Variants in ACBD6 observed in about 807,000 individuals in gnomAD.
The protein encoded by ACBD6 is acyl-CoA-binding domain-containing protein 6.
A neutral mutation model predicts 37.2 loss-of-function variants in ACBD6; 28 were observed. That is an observed-to-expected ratio of 0.75 (90% CI 0.56 to 1.03). The LOEUF (loss-of-function observed/expected upper bound fraction) is 1.03. ACBD6 is among the 50% of genes least tolerant of loss of function. The pLI is 0.00. For missense variants in ACBD6, 340 were observed against 337.4 expected (o/e 1.01, Z -0.06); for synonymous variants, 113 against 126.8 (o/e 0.89, Z 0.73).
intron 6 of ACBD6, among the ~76,000 whole-genome samples, chr1:180,379,888 G>C (rs777246480): frequency 6.6e-5 from 10 of 152,168 alleles, no homozygotes; most frequent in Non-Finnish European, 1.5e-5. Context: ...TAGACATCCA[G>C]ATATAGGAAG....
chr1:180,426,225 T>C (rs765826068), intron 4 of ACBD6, among the ~76,000 whole-genome samples: 10 of 152,248 alleles, frequency 6.6e-5, no homozygotes, highest in Non-Finnish European at 1.2e-4. Flanking sequence ...AAAATTCTAA[T>C]AGATTACATG....
At chr1:180,331,436 T>C (rs138576685) in intron 6 of ACBD6, among the ~76,000 whole-genome samples, 17 of 152,350 alleles carry the variant, frequency 1.1e-4, no homozygotes, top group African/African-American at 2.9e-4. Flanking sequence ...CAAACTTATA[T>C]AATCAGAATT....
chr1:180,303,513 G>A (rs1483053798), intron 7 of ACBD6, among the ~76,000 whole-genome samples: 1 of 150,790 alleles, frequency 6.6e-6, no homozygotes, highest in Non-Finnish European at 1.5e-5. Context: ...TAGAAGAAAT[G>A]GATAAATTCC....
At chr1:180,407,373 G>A (rs949656478) in intron 5 of ACBD6, among the ~76,000 whole-genome samples, 2 of 152,156 alleles carry the variant, frequency 1.3e-5, no homozygotes, top group Non-Finnish European at 2.9e-5. Context: ...GTAACAAAAT[G>A]GCAGAAACAA....
chr1:180,460,831 AG>A (rs1366614217), intron 3 of ACBD6, among the ~76,000 whole-genome samples: 18 of 152,342 alleles, frequency 1.2e-4, no homozygotes, highest in Non-Finnish European at 2.2e-4. Context: ...AAAAAGCCAG[AG>A]GGGCCTCTCT....
rs1649269110 is a variant in ACBD6, at chr1:180,441,233, T to C, written c.385-10971A>G. On this transcript the variant is annotated intron_variant, in intron 3 of 7. Transcript: ENST00000367595. ...ATCTTTTTTATTGCGGACACCCTAC[T>C]GGGTATGAAGTGGCCCTGTTGAAAA... 1.3e-5 allele frequency among the ~76,000 whole-genome samples: 2 copies of C among 152,202 alleles called. 1 individual carries two copies. Among genetic ancestry groups the C allele is most frequent in the South Asian group, 4.1e-4 (2 of 4,834 alleles).
At chr1:180,349,522 T>C (rs1476725409) in intron 6 of ACBD6, among the ~76,000 whole-genome samples, 3 of 152,028 alleles carry the variant, frequency 2.0e-5, no homozygotes. Context: ...CCCAAAATGC[T>C]GGGATTACAG....
At chr1:180,399,915 G>GA (rs1193104363) in intron 5 of ACBD6, among the ~76,000 whole-genome samples, 1 of 152,052 alleles carries the variant, frequency 6.6e-6, no homozygotes, top group Non-Finnish European at 1.5e-5. Flanking sequence ...ACATAGTTAA[G>GA]ACGATGTGTG....
rs541005334 is a variant in ACBD6, at chr1:180,367,761, T to G, written c.663+29755A>C. On this transcript the variant is annotated intron_variant, in intron 6 of 7. Coordinates refer to ENST00000367595, the MANE Select transcript of ACBD6 (RefSeq NM_032360.4). ...GCTGCATAGTATTCTGTGATGTATA[T>G]GTACCACATTTTCTTTATCTAGTCT... Among the ~76,000 whole-genome samples, 41 of 152,342 alleles carry G rather than the reference T, an allele frequency of 2.7e-4. No homozygotes were observed. The South Asian group carries it at 3.5e-3, about 13-fold the overall frequency.
At chr1:180,297,097 A>G (rs1300779558) in intron 7 of ACBD6, among the ~76,000 whole-genome samples, 1 of 152,104 alleles carries the variant, frequency 6.6e-6, no homozygotes, top group Non-Finnish European at 1.5e-5. Context: ...ATGATTTAGC[A>G]GTGATATTTC....
chr1:180,362,945 G>C (rs1377235844), intron 6 of ACBD6, among the ~76,000 whole-genome samples: 1 of 152,222 alleles, frequency 6.6e-6, no homozygotes, highest in African/African-American at 2.4e-5. Flanking sequence ...GGTGACTAGA[G>C]AAGTTGAGAA....
rs1006972235 is a variant in ACBD6, at chr1:180,466,719, T to C, written c.384+25550A>G. On this transcript the variant is annotated intron_variant, in intron 3 of 7. Coordinates refer to ENST00000367595, the MANE Select transcript of ACBD6 (RefSeq NM_032360.4). ...TATAGCTCATGAATGTCAAAAACTT[T>C]ATCTGCTGTCATTTTAAGTACATAC... 2.6e-5 allele frequency among the ~76,000 whole-genome samples: 4 copies of C among 152,350 alleles called. No individual in the cohort carries two copies. The South Asian group carries it at 6.2e-4, about 24-fold the overall frequency.
chr1:180,394,541 CA>C (rs1654193366), intron 6 of ACBD6, among the ~76,000 whole-genome samples: 1 of 151,898 alleles, frequency 6.6e-6, no homozygotes, highest in Admixed American at 6.6e-5. Flanking sequence ...GGAATTTGCC[CA>C]ACCGGATTTA....
At chr1:180,418,172 T>C (rs867301228) in intron 4 of ACBD6, among the ~76,000 whole-genome samples, 1 of 152,156 alleles carries the variant, frequency 6.6e-6, no homozygotes, top group Non-Finnish European at 1.5e-5. Context: ...TTTTAATTTA[T>C]AAATATAAAA....
intron 3 of ACBD6, among the ~76,000 whole-genome samples, chr1:180,473,404 G>T (rs1365926679): frequency 7.2e-6 from 1 of 139,440 alleles, no homozygotes; most frequent in Non-Finnish European, 1.5e-5. Flanking sequence ...CCGAGATCCC[G>T]CCACTGCACT....
intron 3 of ACBD6, among the ~76,000 whole-genome samples, chr1:180,454,147 A>G (rs1395737643): frequency 1.3e-5 from 2 of 152,212 alleles, no homozygotes; most frequent in African/African-American, 4.8e-5. Flanking sequence ...ACAGTAATGA[A>G]AACAGCATGG....
At chr1:180,402,151 A>G (rs982251097) in intron 5 of ACBD6, among the ~76,000 whole-genome samples, 5 of 152,146 alleles carry the variant, frequency 3.3e-5, no homozygotes, top group Admixed American at 3.3e-4. Context: ...ACTATCTTCT[A>G]CCTTTTGCTG....
At chr1:180,447,709 G>T (rs1363780178) in intron 3 of ACBD6, among the ~76,000 whole-genome samples, 1 of 151,996 alleles carries the variant, frequency 6.6e-6, no homozygotes, top group Non-Finnish European at 1.5e-5. Flanking sequence ...TATCATAGCT[G>T]TTCAGAAATT....
chr1:180,301,445 T>C (rs564044560), intron 7 of ACBD6, among the ~76,000 whole-genome samples: 3 of 152,224 alleles, frequency 2.0e-5, no homozygotes, highest in African/African-American at 7.2e-5. Context: ...CCATAGAAAA[T>C]GCTATTAAGA....
Sources: gnomAD v4.1 joint callset for allele counts (sites outside exome capture counted in the v4.1 genomes callset) on GRCh38, gnomAD v4.1.1 for gene constraint, MANE v1.5 for transcripts, NCBI Gene and HGNC (gene_info 2026-07-23, HGNC 2026-07-21) for gene names.